Variants in PLAGL2 observed in about 807,000 individuals in gnomAD.
The protein encoded by PLAGL2 is zinc finger protein PLAGL2.
Under a neutral mutation model 29.0 loss-of-function variants are expected in PLAGL2, and 7 were observed. The observed-to-expected ratio is 0.24, with a 90% CI of 0.14 to 0.45. PLAGL2 has a LOEUF of 0.45. PLAGL2 is among the 20% of genes least tolerant of loss of function. The pLI, the probability that PLAGL2 is intolerant of heterozygous loss-of-function variation, is 0.99. For synonymous variants in PLAGL2, 234 were observed against 266.0 expected (o/e 0.88, Z 1.17); for missense variants, 454 against 648.2 (o/e 0.70, Z 3.25).
chr20:32,202,442 A>G (rs2047264936), intron 1 of PLAGL2, 150 bp from the exon 2 acceptor site: 2 of 522,616 alleles, frequency 3.8e-6, no homozygotes, highest in South Asian at 5.1e-5. Context: ...CTGTTTCCTC[A>G]TTTATAAAAT....
In PLAGL2 at chr20:32,194,494, T is replaced by C. The variant is rs1030857587; in HGVS notation, c.*1958A>G. 1 of 152,648 alleles carries C rather than the reference T, an allele frequency of 6.6e-6. No individual in the cohort carries two copies. Among genetic ancestry groups the C allele is most frequent in the African/African-American group, 2.4e-5 (1 of 41,460 alleles). 9.5% of individuals were successfully genotyped at this position (152,648 alleles called of 1,614,324 possible). On this transcript the variant is annotated 3_prime_UTR_variant, in exon 3 of 3. Coordinates refer to ENST00000246229, the MANE Select transcript of PLAGL2 (RefSeq NM_002657.3). Reference sequence around the variant, plus strand: ...TTAATATCTGGTGTTTTTAAAAAGGTATCCCAAGCTACCCTGCCTAAATCA... The same window carrying C: ...TTAATATCTGGTGTTTTTAAAAAGGCATCCCAAGCTACCCTGCCTAAATCA...
At chr20:32,201,385 A>G (rs911129) in intron 2 of PLAGL2, among the ~76,000 whole-genome samples, 104,027 of 151,944 alleles carry the variant, frequency 0.68, 37,569 homozygotes, top group East Asian at 0.99. Context: ...AGGAGTTTGA[A>G]ACCAGCCTGG....
intron 2 of PLAGL2, among the ~76,000 whole-genome samples, chr20:32,201,701 C>T (rs1270561648): frequency 6.6e-6 from 1 of 152,246 alleles, no homozygotes; most frequent in Admixed American, 6.5e-5. Flanking sequence ...AATCCCAATA[C>T]TTTGGGGAGG....
intron 1 of PLAGL2, among the ~76,000 whole-genome samples, chr20:32,205,869 G>A (rs139019396): frequency 3.3e-5 from 5 of 152,260 alleles, no homozygotes; most frequent in Admixed American, 2.6e-4. Context: ...AAAAACAGTT[G>A]AGAGATAACA....
rs1379262125 is a variant in PLAGL2, at chr20:32,196,256, T to C, written c.*196A>G. On this transcript the variant is annotated 3_prime_UTR_variant, in exon 3 of 3. Transcript: ENST00000246229. The stretch of plus-strand genomic sequence containing the variant: ...TACGGTATGAGATCTTTTCACGGGG[T>C]TGGGGCTCAAGGCTCCTTCTGGAAT... 5.0e-6 allele frequency: 2 copies of C among 402,824 alleles called. No individual in the cohort carries two copies. Among genetic ancestry groups the C allele is most frequent in the Non-Finnish European group, 8.8e-6 (2 of 228,092 alleles). The allele number at this position is 402,824 out of a possible 1,614,324, so 25.0% of individuals were successfully genotyped here.
chr20:32,197,639 A>T lies in PLAGL2; in HGVS notation c.304T>A (p.Tyr102Asn). 1 of 1,614,138 alleles carries T rather than the reference A, an allele frequency of 6.2e-7. No homozygotes were observed. The highest frequency in any genetic ancestry group is 1.1e-5 in the South Asian group (1 of 91,084). ...TTGCGGTGAAACATCTTATCACAGT[A>T]CATACACTGGTGGGGTTTCTGGGCT... ...HSAQKPHQCMYCDKMFHRKDH... is the reference protein window; with the variant it reads ...HSAQKPHQCMNCDKMFHRKDH... The change falls in exon 3 of 3, where the codon TAC becomes AAC. Residue 102 changes from tyrosine to asparagine, a missense_variant. By Grantham distance (143) the Tyr-to-Asn change is moderately radical (BLOSUM62 -2). Around this residue, in one of 4 missense-constraint regions of PLAGL2, gnomAD observed 111 missense variants for 173.1 expected, o/e 0.64. Coordinates refer to ENST00000246229, the MANE Select transcript of PLAGL2 (RefSeq NM_002657.3). This position sits in a 1 kb window ranked among gnomAD's most constrained non-coding sequence, Gnocchi z 6.6.
Position 32,197,771 on chromosome 20 carries a change from G to T in PLAGL2, c.261-89C>A, listed in dbSNP as rs528114549. 29 of 1,068,394 alleles carry T rather than the reference G, an allele frequency of 2.7e-5. No individual in the cohort carries two copies. The highest frequency in any genetic ancestry group is 4.0e-5 in the Non-Finnish European group (29 of 728,356). The allele number at this position is 1,068,394 out of a possible 1,614,324, so 66.2% of individuals were successfully genotyped here. ...GACAACCAAAGGTGTCCATTAACAGGAAACTAGATATAAAAACCATGGTAA... is the reference window on the plus strand; with the variant it reads ...GACAACCAAAGGTGTCCATTAACAGTAAACTAGATATAAAAACCATGGTAA... On this transcript the variant is annotated intron_variant, in intron 2 of 2. Transcript: ENST00000246229. The surrounding 1 kb of genome is among the most constrained non-coding windows in gnomAD (Gnocchi z 6.6).
chr20:32,200,020 G>C (rs1241201935), intron 2 of PLAGL2, among the ~76,000 whole-genome samples: 1 of 152,118 alleles, frequency 6.6e-6, no homozygotes, highest in Non-Finnish European at 1.5e-5. Flanking sequence ...TTTTCCAGAT[G>C]AGGAACTGAG....
Position 32,201,304 on chromosome 20 carries a change from G to GCTAA in PLAGL2, c.260+611_260+614dup, listed in dbSNP as rs532412939. Among the ~76,000 whole-genome samples, 674 of 152,282 alleles carry GCTAA rather than the reference G, an allele frequency of 4.4e-3. 5 individuals carry two copies. The highest frequency in any genetic ancestry group is 0.015 in the African/African-American group (620 of 41,540). On this transcript the variant is annotated intron_variant, in intron 2 of 2. Transcript: ENST00000246229. ...CAATATTTAAAAAAAAATGTTCAGG[G>GCTAA]CTAAGTGCGGTGGCTCATGCCTGTA...
rs1301300524 is a variant in PLAGL2, at chr20:32,195,352, C to A, written c.*1100G>T. The A allele has an allele frequency of 6.5e-6, 1 of 152,682 alleles. No individual in the cohort carries two copies. The highest frequency in any genetic ancestry group is 2.4e-5 in the African/African-American group (1 of 41,460). The allele number at this position is 152,682 out of a possible 1,614,324, so 9.5% of individuals were successfully genotyped here. On this transcript the variant is annotated 3_prime_UTR_variant, in exon 3 of 3. Coordinates refer to ENST00000246229, the MANE Select transcript of PLAGL2 (RefSeq NM_002657.3). ...CAGACTTCCTCCTTTGCTATCCACA[C>A]CAACCCAGACTCTGCTTCCAAGACT... is the stretch of plus-strand genomic sequence containing the variant.
Position 32,193,885 on chromosome 20 carries a change from A to G in PLAGL2, c.*2567T>C, listed in dbSNP as rs1173077645. 1 of 152,520 alleles carries G rather than the reference A, an allele frequency of 6.6e-6. No homozygotes were observed. Among genetic ancestry groups the G allele is most frequent in the Non-Finnish European group, 1.5e-5 (1 of 68,068 alleles). 9.4% of individuals were successfully genotyped at this position (152,520 alleles called of 1,614,324 possible). A position where few individuals can be genotyped will look rare whatever the true frequency, so the allele number is the denominator to read the frequency against. On this transcript the variant is annotated 3_prime_UTR_variant, in exon 3 of 3. Coordinates refer to ENST00000246229, the MANE Select transcript of PLAGL2 (RefSeq NM_002657.3). ...GCAGATATTATTCCTCTGTACCAGC[A>G]AAGTTCACAGTGATAGGAAAATTCC...
At chr20:32,202,748 C>T (rs1258563523) in intron 1 of PLAGL2, among the ~76,000 whole-genome samples, 1 of 152,212 alleles carries the variant, frequency 6.6e-6, no homozygotes, top group African/African-American at 2.4e-5. Context: ...TTGTCCTCCT[C>T]ATGGAGGTGC....
chr20:32,197,677 A>T lies in PLAGL2; in HGVS notation c.266T>A (p.Met89Lys). 2 of 1,613,110 alleles carry T rather than the reference A, an allele frequency of 1.2e-6. No individual in the cohort carries two copies. Among genetic ancestry groups the T allele is most frequent in the Non-Finnish European group, 8.5e-7 (1 of 1,179,166 alleles). Residue 89 changes from methionine to lysine, a missense_variant, in exon 3 of 3, where the codon ATG becomes AAG. Met to Lys is a moderately conservative substitution (Grantham distance 95). Transcript: ENST00000246229. This position sits in a 1 kb window ranked among gnomAD's most constrained non-coding sequence, Gnocchi z 6.6. ...GGGTTTCTGGGCTGAGTGGGTGGCC[A>T]TGTGCCTGGGGGTAGAGACAGGGGA... ...FASKYKLYRHMATHSAQKPHQ... is the reference protein window; with the variant it reads ...FASKYKLYRHKATHSAQKPHQ...
chr20:32,195,318 T>C lies in PLAGL2; in HGVS notation c.*1134A>G, dbSNP rs866427504. On this transcript the variant is annotated 3_prime_UTR_variant, in exon 3 of 3. Transcript: ENST00000246229. ...AAGGGACAGGTGGGAGGAAGACCAA[T>C]GAGGGGCTCAGACTTCCTCCTTTGC... is the stretch of plus-strand genomic sequence containing the variant. 54 of 152,660 alleles carry C rather than the reference T, an allele frequency of 3.5e-4. No homozygotes were observed. The highest frequency in any genetic ancestry group is 1.2e-3 in the African/African-American group (50 of 41,430). The allele number at this position is 152,660 out of a possible 1,614,324, so 9.5% of individuals were successfully genotyped here.
In PLAGL2 at chr20:32,207,404, G is replaced by C. The variant is rs533113363; in HGVS notation, c.-115+237C>G. 4.1e-4 allele frequency among the ~76,000 whole-genome samples: 62 copies of C among 152,308 alleles called. 2 individuals carry two copies. The East Asian group carries it at 0.012, about 29-fold the overall frequency. Reference sequence around the variant, plus strand: ...CCAGGTCTCGGAAGGGAGGGGACCGGTGGCTTCCTCGGGTCCCCCAGACAC... The same window carrying C: ...CCAGGTCTCGGAAGGGAGGGGACCGCTGGCTTCCTCGGGTCCCCCAGACAC... On this transcript the variant is annotated intron_variant, in intron 1 of 2. Transcript: ENST00000246229.
intron 1 of PLAGL2, among the ~76,000 whole-genome samples, chr20:32,203,031 A>G (rs2047267474): frequency 6.6e-6 from 1 of 151,986 alleles, no homozygotes; most frequent in African/African-American, 2.4e-5. Flanking sequence ...CAACACCCCT[A>G]GGTGCTGAGA....
chr20:32,201,735 G>C (rs2047260536), intron 2 of PLAGL2, among the ~76,000 whole-genome samples, 184 bp downstream of exon 2: 1 of 152,232 alleles, frequency 6.6e-6, no homozygotes, highest in African/African-American at 2.4e-5. Flanking sequence ...TCTAGTGTCT[G>C]AATCAAGCAA....
intron 1 of PLAGL2, among the ~76,000 whole-genome samples, chr20:32,203,185 T>C (rs2047268392): frequency 6.6e-6 from 1 of 152,208 alleles, no homozygotes; most frequent in African/African-American, 2.4e-5. Flanking sequence ...ATACCTAATA[T>C]CTAGAAAAGG....
Position 32,196,359 on chromosome 20 carries a change from G to T in PLAGL2, c.*93C>A. 2.0e-6 allele frequency: 2 copies of T among 1,002,508 alleles called. No homozygotes were observed. Among genetic ancestry groups the T allele is most frequent in the African/African-American group, 1.7e-5 (1 of 60,188 alleles). The allele number at this position is 1,002,508 out of a possible 1,614,324, so 62.1% of individuals were successfully genotyped here. A position where few individuals can be genotyped will look rare whatever the true frequency, so the allele number is the denominator to read the frequency against. On this transcript the variant is annotated 3_prime_UTR_variant, in exon 3 of 3. Coordinates refer to ENST00000246229, the MANE Select transcript of PLAGL2 (RefSeq NM_002657.3). ...AATTTTTTTTTTTGAACCCAGCTCTGAAAGCTCAGCTGCCTTCATGGGGGA... is the reference window on the plus strand; with the variant it reads ...AATTTTTTTTTTTGAACCCAGCTCTTAAAGCTCAGCTGCCTTCATGGGGGA...
Sources: gnomAD v4.1 joint callset for allele counts (sites outside exome capture counted in the v4.1 genomes callset) on GRCh38, gnomAD v4.1.1 for gene constraint, gnomAD v4.1.1 regional missense constraint, Gnocchi (gnomAD v3.1) non-coding constraint, MANE v1.5 for transcripts, NCBI Gene and HGNC (gene_info 2026-07-23, HGNC 2026-07-21) for gene names.